UBE2S: variants seen among roughly 807,000 people sequenced by gnomAD.
The protein encoded by UBE2S is ubiquitin-conjugating enzyme E2 S.
UBE2S carries 3 observed loss-of-function variants against 12.3 expected under a neutral mutation model. The ratio of observed to expected loss-of-function variants is 0.24; its 90% CI spans 0.11 to 0.63. The LOEUF is 0.63. Ranked by LOEUF, UBE2S falls within the 30% of genes least tolerant of loss-of-function variation. UBE2S has a pLI of 0.85. For missense variants in UBE2S, 211 were observed against 313.9 expected, an observed-to-expected ratio of 0.67 and a Z score of 2.48; for synonymous variants, 133 against 142.0, an observed-to-expected ratio of 0.94 and a Z score of 0.45.
Position 55,404,074 on chromosome 19 carries a change from G to C in UBE2S, c.342+214C>G. 1.7e-6 allele frequency: 1 copy of C among 586,290 alleles called. No individual in the cohort carries two copies. The allele number at this position is 586,290 out of a possible 1,614,324, so 36.3% of individuals were successfully genotyped here. A position where few individuals can be genotyped will look rare whatever the true frequency, so the allele number is the denominator to read the frequency against. On this transcript the variant is annotated intron_variant, in intron 3 of 3. Transcript: ENST00000264552. The surrounding 1 kb of genome is among the most constrained non-coding windows in gnomAD (Gnocchi z 4.4). ...ATACAAACTCACCACTCGTTGCATA[G>C]TAAGGTGCTCCTGGGCACTTCTCAA...
At chr19:55,403,645 C>G (rs2090077533) in intron 3 of UBE2S, among the ~76,000 whole-genome samples, 1 of 151,956 alleles carries the variant, frequency 6.6e-6, no homozygotes, top group South Asian at 2.1e-4. Flanking sequence ...AAGCCCAGCA[C>G]TTTGGGAGGC....
intron 1 of UBE2S, among the ~76,000 whole-genome samples, chr19:55,407,199 C>A (rs12978350): frequency 1.3e-5 from 2 of 150,510 alleles, no homozygotes; most frequent in Non-Finnish European, 1.5e-5. Context: ...CCCAGAACCC[C>A]CCCCCCAAAG....
chr19:55,402,089 G>A lies in UBE2S; in HGVS notation c.343-327C>T, dbSNP rs536123564. ...TCTCAGGAGTCCATTACTTGCCTGA[G>A]CCCCAGACTTGAGTCCTATTATGGT... On this transcript the variant is annotated intron_variant, in intron 3 of 3. Coordinates refer to ENST00000264552, the MANE Select transcript of UBE2S (RefSeq NM_014501.3). Among the ~76,000 whole-genome samples the A allele has an allele frequency of 2.2e-4, 34 of 152,308 alleles. No individual in the cohort carries two copies. In the South Asian group the frequency reaches 4.8e-3, roughly 21 times the overall value.
rs1014218451 is a variant in UBE2S, at chr19:55,407,758, C to T, written c.-169G>A. On this transcript the variant is annotated 5_prime_UTR_variant, in exon 1 of 4. Coordinates refer to ENST00000264552, the MANE Select transcript of UBE2S (RefSeq NM_014501.3). ...TCCGCCGCGCACAGCGTAGACCAAC[C>T]CGCCGCCCCGGTGCCCGGCAGCACT... 1.7e-5 allele frequency: 7 copies of T among 423,064 alleles called. No homozygotes were observed. The highest frequency in any genetic ancestry group is 4.7e-5 in the Admixed American group (1 of 21,096). The allele number at this position is 423,064 out of a possible 1,614,324, so 26.2% of individuals were successfully genotyped here.
chr19:55,407,515 G>T, intron 1 of UBE2S, 72 bp downstream of exon 1: 1 of 1,486,978 alleles, frequency 6.7e-7, no homozygotes. Flanking sequence ...CCCGTCGGAG[G>T]CCCCTGAGAC....
In UBE2S at chr19:55,404,233, C is replaced by T; in HGVS notation, c.342+55G>A. 1 of 1,602,208 alleles carries T rather than the reference C, an allele frequency of 6.2e-7. No individual in the cohort carries two copies. The highest frequency in any genetic ancestry group is 1.1e-5 in the South Asian group (1 of 90,716). On this transcript the variant is annotated intron_variant, in intron 3 of 3. Coordinates refer to ENST00000264552, the MANE Select transcript of UBE2S (RefSeq NM_014501.3). The surrounding 1 kb of genome is among the most constrained non-coding windows in gnomAD (Gnocchi z 4.4). ...TAAACAAAGCGCTATGGCTCAGACA[C>T]CAGCAGACCTCCAGAGGCAGGAGGC...
intron 3 of UBE2S, among the ~76,000 whole-genome samples, chr19:55,403,480 G>T (rs1227024562): frequency 6.6e-6 from 1 of 150,968 alleles, no homozygotes; most frequent in Non-Finnish European, 1.5e-5. Context: ...CAAAGAGCCA[G>T]TATCTTTAAA....
rs536255941 is a variant in UBE2S, at chr19:55,401,411, A to C, written c.*25T>G. The C allele has an allele frequency of 3.8e-4, 590 of 1,536,178 alleles. No individual in the cohort carries two copies. Among genetic ancestry groups the C allele is most frequent in the Non-Finnish European group, 4.9e-4 (558 of 1,130,700 alleles). Reference sequence around the variant, plus strand: ...GGAGGGGACAGGAGAGGTTGGGGTCACGGTGGAAGGAGGAAGAGAGCCCAC... The same window carrying C: ...GGAGGGGACAGGAGAGGTTGGGGTCCCGGTGGAAGGAGGAAGAGAGCCCAC... On this transcript the variant is annotated 3_prime_UTR_variant, in exon 4 of 4. Coordinates refer to ENST00000264552, the MANE Select transcript of UBE2S (RefSeq NM_014501.3).
At chr19:55,405,334 C>A (rs1245361596) in intron 2 of UBE2S, among the ~76,000 whole-genome samples, 6 of 151,522 alleles carry the variant, frequency 4.0e-5, no homozygotes. Flanking sequence ...ATGGTGAAAC[C>A]CCATCTCTAC....
At position 55,404,849 on chromosome 19, in the gene UBE2S, C is replaced by T. The variant is rs2090086314; in HGVS notation, c.152-371G>A. Among the ~76,000 whole-genome samples, 1 of 152,102 alleles carries T rather than the reference C, an allele frequency of 6.6e-6. No homozygotes were observed. The highest frequency in any genetic ancestry group is 2.4e-5 in the African/African-American group (1 of 41,442). On this transcript the variant is annotated intron_variant, in intron 2 of 3. Coordinates refer to ENST00000264552, the MANE Select transcript of UBE2S (RefSeq NM_014501.3). The surrounding 1 kb of genome is among the most constrained non-coding windows in gnomAD (Gnocchi z 4.4). ...CACTCCTAGGCTCAAGCAATTTGTTCACCTCAGCCTCCCAAAGTGCTGGGA... is the reference window on the plus strand; with the variant it reads ...CACTCCTAGGCTCAAGCAATTTGTTTACCTCAGCCTCCCAAAGTGCTGGGA...
chr19:55,405,975 A>G (rs1438915901), intron 2 of UBE2S, among the ~76,000 whole-genome samples: 1 of 152,140 alleles, frequency 6.6e-6, no homozygotes, highest in African/African-American at 2.4e-5. Context: ...ACTACAGTCA[A>G]TAGGAACTTT....
At position 55,400,879 on chromosome 19, in the gene UBE2S, G is replaced by A. The variant is rs1465045461; in HGVS notation, c.*557C>T. On this transcript the variant is annotated 3_prime_UTR_variant, in exon 4 of 4. Coordinates refer to ENST00000264552, the MANE Select transcript of UBE2S (RefSeq NM_014501.3). ...AAAGCAGGATCAGATGATTCAAGGG[G>A]ACCGAACCTTGGCCCAGTCCAGAAC... is the stretch of plus-strand genomic sequence containing the variant. 1 of 154,556 alleles carries A rather than the reference G, an allele frequency of 6.5e-6. No individual in the cohort carries two copies. The highest frequency in any genetic ancestry group is 2.4e-5 in the African/African-American group (1 of 41,462). 9.6% of individuals were successfully genotyped at this position (154,556 alleles called of 1,614,324 possible).
intron 2 of UBE2S, among the ~76,000 whole-genome samples, chr19:55,406,521 C>T (rs1052917041): frequency 6.6e-6 from 1 of 152,166 alleles, no homozygotes; most frequent in African/African-American, 2.4e-5. Flanking sequence ...AGCTCTCTTC[C>T]CATTCCTACT....
At chr19:55,407,087 C>T in intron 1 of UBE2S, 125 bp from the exon 2 acceptor site, 1 of 1,193,542 alleles carries the variant, frequency 8.4e-7, no homozygotes, top group Non-Finnish European at 1.2e-6. Context: ...CCCTTGAACT[C>T]CCAGACCCTC....
chr19:55,407,050 G>T lies in UBE2S; in HGVS notation c.4-88C>A. 4 of 1,492,692 alleles carry T rather than the reference G, an allele frequency of 2.7e-6. No homozygotes were observed. In the East Asian group the frequency reaches 9.4e-5, roughly 35 times the overall value. The allele number at this position is 1,492,692 out of a possible 1,614,324, so 92.5% of individuals were successfully genotyped here. ...AAGATGCTGAGACTGCCCAAGTCTT[G>T]ACTCAGTGGCCCCAGGCTGTCAATC... is the stretch of plus-strand genomic sequence containing the variant. On this transcript the variant is annotated intron_variant, in intron 1 of 3. Transcript: ENST00000264552.
intron 3 of UBE2S, chr19:55,403,070 A>G (rs2090073178): frequency 7.6e-7 from 1 of 1,314,272 alleles, no homozygotes; most frequent in Admixed American, 2.0e-5. Flanking sequence ...CGTACGCTGC[A>G]GGATTTGGGC....
In UBE2S at chr19:55,407,702, G is replaced by A. The variant is rs567185563; in HGVS notation, c.-113C>T. On this transcript the variant is annotated 5_prime_UTR_variant, in exon 1 of 4. Coordinates refer to ENST00000264552, the MANE Select transcript of UBE2S (RefSeq NM_014501.3). Reference sequence around the variant, plus strand: ...GCTGCGGCCCTGGAGAGGCCCCGGCGGCCCCGCTCCGCTCCCCGCTGCCTC... The same window carrying A: ...GCTGCGGCCCTGGAGAGGCCCCGGCAGCCCCGCTCCGCTCCCCGCTGCCTC... 7.1e-6 allele frequency: 6 copies of A among 843,246 alleles called. No individual in the cohort carries two copies. The highest frequency in any genetic ancestry group is 7.1e-5 in the African/African-American group (4 of 56,324). The allele number at this position is 843,246 out of a possible 1,614,324, so 52.2% of individuals were successfully genotyped here. A position where few individuals can be genotyped will look rare whatever the true frequency, so the allele number is the denominator to read the frequency against.
chr19:55,400,500 G>A lies in UBE2S; in HGVS notation c.*936C>T, dbSNP rs1018218088. The A allele has an allele frequency of 6.6e-6, 1 of 152,190 alleles. No individual in the cohort carries two copies. Among genetic ancestry groups the A allele is most frequent in the Non-Finnish European group, 1.5e-5 (1 of 68,042 alleles). 9.4% of individuals were successfully genotyped at this position (152,190 alleles called of 1,614,324 possible). A position where few individuals can be genotyped will look rare whatever the true frequency, so the allele number is the denominator to read the frequency against. On this transcript the variant is annotated 3_prime_UTR_variant, in exon 4 of 4. Coordinates refer to ENST00000264552, the MANE Select transcript of UBE2S (RefSeq NM_014501.3). Reference sequence around the variant, plus strand: ...TTTAGTCATTATCACTTAAGTATCTGGATGGGCCTGACCTAATCCGGTGAG... The same window carrying A: ...TTTAGTCATTATCACTTAAGTATCTAGATGGGCCTGACCTAATCCGGTGAG...
At chr19:55,401,888 C>T (rs547244589) in intron 3 of UBE2S, 126 bp from the exon 4 acceptor site, 11 of 980,366 alleles carry the variant, frequency 1.1e-5, no homozygotes, top group East Asian at 2.6e-5. Context: ...ATCCAGGCCC[C>T]ACCTATGCTG....
Sources: gnomAD v4.1 joint callset for allele counts (sites outside exome capture counted in the v4.1 genomes callset) on GRCh38, gnomAD v4.1.1 for gene constraint, Gnocchi (gnomAD v3.1) non-coding constraint, MANE v1.5 for transcripts, NCBI Gene and HGNC (gene_info 2026-07-23, HGNC 2026-07-21) for gene names.